The following WFDC1 variants were observed in gnomAD, a reference collection of about 807,000 sequenced individuals.
The protein encoded by WFDC1 is WAP four-disulfide core domain 1.
Under a neutral mutation model 32.9 loss-of-function variants are expected in WFDC1, and 39 were observed. That is an observed-to-expected ratio of 1.19 (90% CI 0.92 to 1.55). WFDC1 has a LOEUF of 1.55. Ranked by LOEUF, WFDC1 falls within the 40% of genes most tolerant of loss-of-function variation. WFDC1 has a pLI of 0.00. For missense variants in WFDC1, 386 were observed against 309.5 expected, an observed-to-expected ratio of 1.25 and a Z score of -1.85; for synonymous variants, 184 against 137.4, an observed-to-expected ratio of 1.34 and a Z score of -2.37.
chr16:84,299,744 C>T (rs1316201890), intron 1 of WFDC1, among the ~76,000 whole-genome samples: 1 of 152,214 alleles, frequency 6.6e-6, no homozygotes, highest in African/African-American at 2.4e-5. Flanking sequence ...CTGTTTTCCC[C>T]TCTAAGCACC....
chr16:84,327,709 C>T (rs550364758), intron 6 of WFDC1: 1 of 152,334 alleles, frequency 6.6e-6, no homozygotes, highest in East Asian at 1.9e-4. Context: ...CAAGACCAGA[C>T]TAGGTCGCAA....
At chr16:84,327,061 T>G in intron 6 of WFDC1, 106 bp downstream of exon 6, 1 of 1,048,110 alleles carries the variant, frequency 9.5e-7, no homozygotes, top group Non-Finnish European at 1.5e-6. Context: ...GAGTAGCGCT[T>G]TCCCTACTGG....
intron 2 of WFDC1, among the ~76,000 whole-genome samples, chr16:84,315,833 T>G (rs1488273617): frequency 6.6e-6 from 1 of 152,190 alleles, no homozygotes; most frequent in South Asian, 2.1e-4. Context: ...CCATCTGGAT[T>G]TGGGTCTGTC....
chr16:84,314,026 A>G (rs1907805255), intron 2 of WFDC1, among the ~76,000 whole-genome samples: 1 of 147,816 alleles, frequency 6.8e-6, no homozygotes, highest in African/African-American at 2.5e-5. Flanking sequence ...TGGGTGACAA[A>G]GTGAGACTCT....
chr16:84,327,562 T>A (rs1313920048), intron 6 of WFDC1: 1 of 152,306 alleles, frequency 6.6e-6, no homozygotes, highest in Non-Finnish European at 1.5e-5. Flanking sequence ...TAGGTCATTT[T>A]GCTTAAAGTT....
intron 1 of WFDC1, among the ~76,000 whole-genome samples, chr16:84,309,452 C>T (rs534686338): frequency 5.3e-5 from 8 of 151,736 alleles, no homozygotes; most frequent in African/African-American, 1.9e-4. Context: ...TTGGAGGCAT[C>T]GAGGCCAGGG....
intron 3 of WFDC1, 26 bp from the exon 4 acceptor site, chr16:84,319,405 G>C: frequency 6.2e-7 from 1 of 1,604,960 alleles, no homozygotes; most frequent in East Asian, 2.2e-5. Context: ...CGGCCTTCTA[G>C]ACCCCAGCGT....
intron 1 of WFDC1, among the ~76,000 whole-genome samples, chr16:84,296,410 C>T (rs893387397): frequency 2.6e-5 from 4 of 152,148 alleles, no homozygotes; most frequent in East Asian, 3.9e-4. Context: ...GAATTATGAG[C>T]GGCTGCAGTG....
intron 5 of WFDC1, chr16:84,326,580 G>C (rs1320721035): frequency 1.7e-5 from 6 of 359,224 alleles, no homozygotes; most frequent in Non-Finnish European, 2.6e-5. Context: ...GTGGGCAGCA[G>C]AATGGCATGT....
At chr16:84,318,089 G>A (rs1315776275) in intron 2 of WFDC1, 183 bp from the exon 3 acceptor site, 1 of 590,810 alleles carries the variant, frequency 1.7e-6, no homozygotes, top group East Asian at 3.0e-5. Context: ...GTGGCCCAGT[G>A]CCCAGCCCAC....
intron 4 of WFDC1, among the ~76,000 whole-genome samples, chr16:84,321,153 G>C (rs1335430169): frequency 6.6e-6 from 1 of 152,200 alleles, no homozygotes; most frequent in African/African-American, 2.4e-5. Flanking sequence ...CCTTACTGCT[G>C]TGGGCAGCAA....
chr16:84,309,566 C>A (rs763266600), intron 1 of WFDC1, among the ~76,000 whole-genome samples: 2 of 151,890 alleles, frequency 1.3e-5, no homozygotes, highest in Non-Finnish European at 2.9e-5. Flanking sequence ...CAGGGGCCGC[C>A]GTAACAAATG....
intron 2 of WFDC1, chr16:84,316,297 G>A (rs1253000076): frequency 6.6e-6 from 1 of 152,054 alleles, no homozygotes; most frequent in East Asian, 1.9e-4. Context: ...AAGCTAACCA[G>A]CATTTTTACC....
chr16:84,318,501 C>A, intron 3 of WFDC1, 146 bp downstream of exon 3: 1 of 748,080 alleles, frequency 1.3e-6, no homozygotes, highest in Non-Finnish European at 2.3e-6. Flanking sequence ...ATCCTCCCCA[C>A]CCCAGCGAAG....
chr16:84,304,702 G>A (rs80272254), intron 1 of WFDC1, among the ~76,000 whole-genome samples: 10,767 of 152,234 alleles, frequency 0.071, 1,184 homozygotes, highest in African/African-American at 0.24. Flanking sequence ...GGAAGGTGTC[G>A]TCCGTCTGGG....
chr16:84,326,969 G>C lies in WFDC1; in HGVS notation c.*15+14G>C, dbSNP rs1245565908. On this transcript the variant is annotated intron_variant, in intron 6 of 6. Transcript: ENST00000219454. The stretch of plus-strand genomic sequence containing the variant: ...AACGGCAAGCAGGTGAGTGGGCAGA[G>C]AGCAAGAGTCATGGCCAGGGTAAAT... The C allele has an allele frequency of 1.2e-6, 2 of 1,613,776 alleles. No individual in the cohort carries two copies. The highest frequency in any genetic ancestry group is 1.1e-5 in the South Asian group (1 of 91,052).
In WFDC1 at chr16:84,299,773, A is replaced by G. The variant is rs1906826905; in HGVS notation, c.144+4658A>G. Reference sequence around the variant, plus strand: ...AAGCACCCCTCCAGGGCAGCTGGAAATGGTGGTTCAGTTTGCACCCTGCCC... The same window carrying G: ...AAGCACCCCTCCAGGGCAGCTGGAAGTGGTGGTTCAGTTTGCACCCTGCCC... On this transcript the variant is annotated intron_variant, in intron 1 of 6. Coordinates refer to ENST00000219454, the MANE Select transcript of WFDC1 (RefSeq NM_021197.4). 1.3e-5 allele frequency among the ~76,000 whole-genome samples: 2 copies of G among 152,192 alleles called. 1 individual carries two copies. The highest frequency in any genetic ancestry group is 4.1e-4 in the South Asian group (2 of 4,836).
chr16:84,297,052 A>G (rs1906638493), intron 1 of WFDC1: 1 of 152,184 alleles, frequency 6.6e-6, no homozygotes, highest in African/African-American at 2.4e-5. Context: ...CCAATATGTC[A>G]TCTGATTTTA....
At chr16:84,318,952 G>C (rs1396435468) in intron 3 of WFDC1, 1 of 201,542 alleles carries the variant, frequency 5.0e-6, no homozygotes, top group African/African-American at 2.3e-5. Flanking sequence ...GCATGCAAAA[G>C]TGTGTGACTG....
Sources: gnomAD v4.1 joint callset for allele counts (sites outside exome capture counted in the v4.1 genomes callset) on GRCh38, gnomAD v4.1.1 for gene constraint, MANE v1.5 for transcripts, NCBI Gene and HGNC (gene_info 2026-07-23, HGNC 2026-07-21) for gene names.